ELMOD1: variants seen among roughly 807,000 people sequenced by gnomAD.
The protein encoded by ELMOD1 is ELMO domain-containing protein 1.
In ELMOD1, 21 loss-of-function variants were observed where a neutral mutation model predicts 46.7. The observed-to-expected ratio is 0.45, with a 90% CI of 0.32 to 0.65. The LOEUF (loss-of-function observed/expected upper bound fraction) is 0.65, where lower values mean the gene tolerates loss of function less well. ELMOD1 is among the 30% of genes least tolerant of loss of function. The probability of loss-of-function intolerance (pLI) is 0.04; values close to 1 mark genes in which losing one functional copy is unlikely to be tolerated. For synonymous variants in ELMOD1, 122 were observed against 138.2 expected (o/e 0.88, Z 0.82); for missense variants, 348 against 407.8 (o/e 0.85, Z 1.26).
chr11:107,631,470 T>C (rs2135689338), intron 4 of ELMOD1, 110 bp from the exon 5 acceptor site: 2 of 422,780 alleles, frequency 4.7e-6, no homozygotes, highest in East Asian at 1.0e-4. Context: ...GCTTTTAACT[T>C]AAGTCTTCAT....
intron 6 of ELMOD1, among the ~76,000 whole-genome samples, chr11:107,646,891 T>G (rs1211954529): frequency 6.6e-6 from 1 of 152,138 alleles, no homozygotes; most frequent in Non-Finnish European, 1.5e-5. Flanking sequence ...CTTTATACTC[T>G]TAAATATTTT....
At chr11:107,664,778 C>G (rs550860661) in intron 11 of ELMOD1, among the ~76,000 whole-genome samples, 1 of 152,148 alleles carries the variant, frequency 6.6e-6, no homozygotes, top group South Asian at 2.1e-4. Context: ...GATTTGTCTT[C>G]CTGCTTGGGA....
At chr11:107,598,540 C>T (rs1419985906) in intron 1 of ELMOD1, among the ~76,000 whole-genome samples, 2 of 152,200 alleles carry the variant, frequency 1.3e-5, no homozygotes, top group African/African-American at 2.4e-5. Context: ...GAGAATTCAC[C>T]ATCACAGGGG....
At chr11:107,599,966 G>T (rs1026420433) in intron 1 of ELMOD1, among the ~76,000 whole-genome samples, 3 of 151,944 alleles carry the variant, frequency 2.0e-5, no homozygotes, top group Non-Finnish European at 4.4e-5. Flanking sequence ...AACCAATTCA[G>T]GTGCTAATTA....
chr11:107,605,483 A>T (rs1373515571), intron 1 of ELMOD1, among the ~76,000 whole-genome samples: 1 of 152,174 alleles, frequency 6.6e-6, no homozygotes, highest in East Asian at 1.9e-4. Context: ...TTATGGGCAT[A>T]AGCCAGGGCG....
chr11:107,615,809 A>C (rs370291421), intron 1 of ELMOD1, among the ~76,000 whole-genome samples: 1 of 151,530 alleles, frequency 6.6e-6, no homozygotes, highest in African/African-American at 2.4e-5. Context: ...ATTTTGTGGC[A>C]TGCCCTTGAA....
intron 6 of ELMOD1, among the ~76,000 whole-genome samples, chr11:107,638,168 T>A (rs1866262134): frequency 6.6e-6 from 1 of 152,190 alleles, no homozygotes; most frequent in South Asian, 2.1e-4. Flanking sequence ...AGAAGCCGGC[T>A]CGTTTTTTAA....
intron 6 of ELMOD1, among the ~76,000 whole-genome samples, chr11:107,642,312 T>C (rs544470854): frequency 2.0e-5 from 3 of 152,246 alleles, no homozygotes; most frequent in African/African-American, 7.2e-5. Context: ...AGCAGCAATT[T>C]TACCAAACTG....
intron 6 of ELMOD1, among the ~76,000 whole-genome samples, chr11:107,636,006 C>T (rs1316769513): frequency 1.3e-5 from 2 of 152,248 alleles, no homozygotes; most frequent in Non-Finnish European, 2.9e-5. Flanking sequence ...TCTGAGAAAA[C>T]GTCAGAGGTG....
At chr11:107,624,846 G>A (rs1866014505) in intron 2 of ELMOD1, among the ~76,000 whole-genome samples, 1 of 152,072 alleles carries the variant, frequency 6.6e-6, no homozygotes, top group Non-Finnish European at 1.5e-5. Flanking sequence ...TAAAAAGAGT[G>A]CCCTTTGCTA....
intron 5 of ELMOD1, among the ~76,000 whole-genome samples, chr11:107,634,677 G>A (rs1421181468): frequency 6.6e-6 from 1 of 152,142 alleles, no homozygotes; most frequent in Non-Finnish European, 1.5e-5. Flanking sequence ...GGAGGCGGAG[G>A]TTGCAGTGAG....
intron 1 of ELMOD1, among the ~76,000 whole-genome samples, chr11:107,616,383 G>T (rs917409569): frequency 6.6e-6 from 1 of 150,542 alleles, no homozygotes; most frequent in African/African-American, 2.4e-5. Context: ...GGAGGTTTTT[G>T]TTTGGTTTGT....
At chr11:107,608,948 G>A (rs1274238933) in intron 1 of ELMOD1, among the ~76,000 whole-genome samples, 1 of 152,130 alleles carries the variant, frequency 6.6e-6, no homozygotes, top group Admixed American at 6.6e-5. Flanking sequence ...ATTTCCAGAG[G>A]GAGCACAGGA....
chr11:107,643,543 T>C lies in ELMOD1; in HGVS notation c.421-3925T>C, dbSNP rs573844383. The C allele has an allele frequency of 2.2e-5, 11 of 504,316 alleles. No individual in the cohort carries two copies. The East Asian group carries it at 6.0e-4, about 28-fold the overall frequency. 31.2% of individuals were successfully genotyped at this position (504,316 alleles called of 1,614,324 possible). A position where few individuals can be genotyped will look rare whatever the true frequency, so the allele number is the denominator to read the frequency against. ...AGTATAGTCTGTAGTAGAACACTCT[T>C]GGAGTTTTATGAGCCACACAAAGAA... is the stretch of plus-strand genomic sequence containing the variant. On this transcript the variant is annotated intron_variant, in intron 6 of 11. Coordinates refer to ENST00000265840, the MANE Select transcript of ELMOD1 (RefSeq NM_018712.4).
chr11:107,630,440 A>G lies in ELMOD1; in HGVS notation c.41A>G (p.Tyr14Cys). The G allele has an allele frequency of 6.2e-7, 1 of 1,602,420 alleles. No homozygotes were observed. Among genetic ancestry groups the G allele is most frequent in the Non-Finnish European group, 8.5e-7 (1 of 1,174,006 alleles). ...AGAATGTTGATCCAGGTATGCCTGT[A>G]TTTTTACTGTAAATTTCTGTGGCGC... ...FLRMLIQVCL[Y>C]FYCKFLWRCL... Residue 14 changes from tyrosine (Y) to cysteine (C), a missense_variant, in exon 3 of 12, where the codon TAT becomes TGT. Tyr to Cys is a radical substitution (Grantham distance 194). Coordinates refer to ENST00000265840, the MANE Select transcript of ELMOD1 (RefSeq NM_018712.4).
intron 1 of ELMOD1, among the ~76,000 whole-genome samples, chr11:107,605,039 TTTA>T (rs1406821090): frequency 6.6e-6 from 1 of 152,204 alleles, no homozygotes; most frequent in African/African-American, 2.4e-5. Flanking sequence ...CAAACATAAG[TTTA>T]TTATTTTATC....
At chr11:107,634,057 T>TA (rs201741954) in intron 5 of ELMOD1, among the ~76,000 whole-genome samples, 1 of 150,570 alleles carries the variant, frequency 6.6e-6, no homozygotes. Flanking sequence ...CATTTACCCC[T>TA]AAAAAAAAAT....
At chr11:107,642,860 G>A (rs769154399) in intron 6 of ELMOD1, 35 of 273,558 alleles carry the variant, frequency 1.3e-4, no homozygotes, top group South Asian at 2.9e-4. Context: ...TCATGTGATC[G>A]TTATATTTTT....
intron 1 of ELMOD1, among the ~76,000 whole-genome samples, chr11:107,614,209 T>G (rs77284541): frequency 0.015 from 2,232 of 152,338 alleles, 52 homozygotes; most frequent in African/African-American, 0.05. Flanking sequence ...GTCTGTCCAT[T>G]GCCTTATCCT....
Sources: gnomAD v4.1 joint callset for allele counts (sites outside exome capture counted in the v4.1 genomes callset) on GRCh38, gnomAD v4.1.1 for gene constraint, MANE v1.5 for transcripts, NCBI Gene and HGNC (gene_info 2026-07-23, HGNC 2026-07-21) for gene names.